The following HSD11B1 variants were observed in gnomAD, a reference collection of about 807,000 sequenced individuals.
The protein encoded by HSD11B1 is hydroxysteroid 11-beta dehydrogenase 1, also known as 11-beta-hydroxysteroid dehydrogenase 1.
HSD11B1 carries 15 observed loss-of-function variants against 22.1 expected under a neutral mutation model. The observed-to-expected ratio is 0.68, with a 90% CI of 0.45 to 1.04. HSD11B1 has a LOEUF of 1.04. Among genes scored for constraint, HSD11B1 ranks in the 50% least tolerant of loss-of-function variants. HSD11B1 has a pLI of 0.00. For synonymous variants in HSD11B1, 122 were observed against 125.2 expected, an observed-to-expected ratio of 0.97 and a Z score of 0.17; for missense variants, 281 against 357.6, an observed-to-expected ratio of 0.79 and a Z score of 1.73.
intron 4 of HSD11B1, among the ~76,000 whole-genome samples, chr1:209,728,205 C>T (rs1206954144): frequency 6.6e-6 from 1 of 152,128 alleles, no homozygotes; most frequent in Non-Finnish European, 1.5e-5. Flanking sequence ...TCACCAATAG[C>T]TTATTTTAGT....
Position 209,732,445 on chromosome 1 carries a change from C to T in HSD11B1, c.527C>T (p.Ala176Val). The stretch of plus-strand genomic sequence containing the variant: ...TTAATCTGTCATTTAGGGAAAGTGG[C>T]TTATCCAATGGTTGCTGCCTATTCT... Reference protein sequence around the residue: ...VVVSSLAGKVAYPMVAAYSAS... With the variant: ...VVVSSLAGKVVYPMVAAYSAS... The change falls in exon 5 of 6, where the codon GCT becomes GTT. Residue 176 changes from alanine (A) to valine (V), a missense_variant. Coordinates refer to ENST00000367027, the MANE Select transcript of HSD11B1 (RefSeq NM_005525.4). 1.2e-6 allele frequency: 2 copies of T among 1,614,100 alleles called. No individual in the cohort carries two copies. The highest frequency in any genetic ancestry group is 1.7e-6 in the Non-Finnish European group (2 of 1,179,994).
chr1:209,698,826 G>A (rs537175901), intron 1 of HSD11B1, among the ~76,000 whole-genome samples: 3 of 152,240 alleles, frequency 2.0e-5, no homozygotes, highest in South Asian at 2.1e-4. Flanking sequence ...GACCATGCTC[G>A]TGACCTCGTG....
At chr1:209,720,797 G>T (rs2076960309) in intron 4 of HSD11B1, among the ~76,000 whole-genome samples, 1 of 152,072 alleles carries the variant, frequency 6.6e-6, no homozygotes, top group Non-Finnish European at 1.5e-5. Context: ...GGATATGTCA[G>T]TATTACTGTA....
At position 209,707,174 on chromosome 1, in the gene HSD11B1, A is replaced by G. The variant is rs79956047; in HGVS notation, c.517+46A>G. 15 of 1,314,582 alleles carry G rather than the reference A, an allele frequency of 1.1e-5. 1 individual carries two copies. In the East Asian group the frequency reaches 3.5e-4, roughly 31 times the overall value. 81.4% of individuals were successfully genotyped at this position (1,314,582 alleles called of 1,614,324 possible). On this transcript the variant is annotated intron_variant, in intron 4 of 5. Coordinates refer to ENST00000367027, the MANE Select transcript of HSD11B1 (RefSeq NM_005525.4). ...TGTGGAAGGTAGAAGAAAAAAAAAA[A>G]TGCCAGGGATGATGCCAGGCTCTGA... is the stretch of plus-strand genomic sequence containing the variant.
intron 1 of HSD11B1, among the ~76,000 whole-genome samples, chr1:209,694,773 C>G (rs187832780): frequency 1.2e-3 from 189 of 152,290 alleles, no homozygotes; most frequent in Non-Finnish European, 2.8e-4. Flanking sequence ...ATGCTTTATA[C>G]GTTATTCATG....
chr1:209,694,490 A>G (rs967032320), intron 1 of HSD11B1, among the ~76,000 whole-genome samples: 2 of 152,206 alleles, frequency 1.3e-5, no homozygotes, highest in African/African-American at 4.8e-5. Flanking sequence ...TGTGACTTTG[A>G]AGAGCAGTAC....
intron 4 of HSD11B1, among the ~76,000 whole-genome samples, chr1:209,721,719 A>G (rs2076968331): frequency 6.6e-6 from 1 of 152,084 alleles, no homozygotes; most frequent in African/African-American, 2.4e-5. Context: ...CTACCCAACC[A>G]TCCCTGGGCA....
At chr1:209,724,617 GA>G in intron 4 of HSD11B1, among the ~76,000 whole-genome samples, 1 of 152,256 alleles carries the variant, frequency 6.6e-6, no homozygotes, top group Admixed American at 6.5e-5. Context: ...CAGGCCTTTT[GA>G]CTCATGGAAT....
chr1:209,699,873 C>A (rs2076816214), upstream of HSD11B1, among the ~76,000 whole-genome samples: 1 of 152,174 alleles, frequency 6.6e-6, no homozygotes, highest in Non-Finnish European at 1.5e-5. Context: ...TTACAGGGCC[C>A]ATGCAAGTCT....
chr1:209,729,458 T>A (rs2077022696), intron 4 of HSD11B1, among the ~76,000 whole-genome samples: 1 of 151,984 alleles, frequency 6.6e-6, no homozygotes, highest in Admixed American at 6.6e-5. Context: ...GTATGGCAGC[T>A]CCATGGTCAC....
chr1:209,709,221 G>GT (rs1432137479), intron 4 of HSD11B1, among the ~76,000 whole-genome samples: 2 of 152,154 alleles, frequency 1.3e-5, no homozygotes, highest in African/African-American at 4.8e-5. Context: ...ATAAAGAATT[G>GT]TTTTTTCTCC....
chr1:209,712,852 C>A (rs1207544530), intron 4 of HSD11B1, among the ~76,000 whole-genome samples: 1 of 152,088 alleles, frequency 6.6e-6, no homozygotes. Flanking sequence ...CATTTGAGAC[C>A]AGCCTGGCCA....
At chr1:209,718,181 T>C (rs1260993466) in intron 4 of HSD11B1, among the ~76,000 whole-genome samples, 3 of 152,164 alleles carry the variant, frequency 2.0e-5, no homozygotes, top group Non-Finnish European at 4.4e-5. Context: ...TGTTCGATAG[T>C]AGAGTGACTA....
At chr1:209,712,546 A>G (rs1299886137) in intron 4 of HSD11B1, among the ~76,000 whole-genome samples, 1 of 152,232 alleles carries the variant, frequency 6.6e-6, no homozygotes, top group Non-Finnish European at 1.5e-5. Context: ...TTTATATATG[A>G]GGGACTTGAG....
chr1:209,734,152 A>C (rs1300814439), intron 5 of HSD11B1, 152 bp from the exon 6 acceptor site: 2 of 666,578 alleles, frequency 3.0e-6, no homozygotes, highest in Non-Finnish European at 5.4e-6. Context: ...TAACATACCC[A>C]GTCTCTCCAT....
Position 209,705,743 on chromosome 1 carries a change from C to T in HSD11B1, c.89-68C>T, listed in dbSNP as rs1280429864. 6 of 1,601,148 alleles carry T rather than the reference C, an allele frequency of 3.7e-6. No homozygotes were observed. In the African/African-American group the frequency reaches 6.7e-5, roughly 18 times the overall value. The stretch of plus-strand genomic sequence containing the variant: ...CAAATTGCGATAAGCATGCCTATAT[C>T]CAGAGAGGGAGAAGGAATTTTGCTG... On this transcript the variant is annotated intron_variant, in intron 1 of 5. Transcript: ENST00000367027.
chr1:209,710,633 C>T (rs747343515), intron 4 of HSD11B1, among the ~76,000 whole-genome samples: 5 of 152,158 alleles, frequency 3.3e-5, no homozygotes, highest in South Asian at 2.1e-4. Flanking sequence ...TAAACATACT[C>T]GGCAAGCATA....
chr1:209,690,592 G>C (rs1334727847), intron 1 of HSD11B1, among the ~76,000 whole-genome samples: 2 of 152,056 alleles, frequency 1.3e-5, no homozygotes, highest in East Asian at 3.9e-4. Flanking sequence ...ATCTACTCAG[G>C]AGGCTGAGGC....
intron 4 of HSD11B1, among the ~76,000 whole-genome samples, chr1:209,711,671 A>G (rs1462779724): frequency 6.6e-6 from 1 of 152,190 alleles, no homozygotes; most frequent in Admixed American, 6.5e-5. Flanking sequence ...AATGCCAAGA[A>G]GGAGATCAGA....
Sources: allele counts gnomAD v4.1 joint callset (sites outside exome capture counted in the v4.1 genomes callset), GRCh38; gene constraint gnomAD v4.1.1; transcripts MANE v1.5; gene names NCBI Gene and HGNC (gene_info 2026-07-23, HGNC 2026-07-21).